PTPRT: variants seen among roughly 807,000 people sequenced by gnomAD.
PTPRT encodes the protein receptor-type tyrosine-protein phosphatase T.
In PTPRT, 56 loss-of-function variants were observed where a neutral mutation model predicts 176.8. That is an observed-to-expected ratio of 0.32 (90% CI 0.26 to 0.40). The LOEUF is 0.40. Ranked by LOEUF, PTPRT falls within the 10% of genes least tolerant of loss-of-function variation. The pLI is 1.00. For missense variants in PTPRT, 1,540 were observed against 1,908.2 expected (o/e 0.81, Z 3.60); for synonymous variants, 783 against 739.0 (o/e 1.06, Z -0.96).
At chr20:42,797,156 C>T (rs1341877434) in intron 2 of PTPRT, among the ~76,000 whole-genome samples, 1 of 152,120 alleles carries the variant, frequency 6.6e-6, no homozygotes, top group East Asian at 1.9e-4. Context: ...TCTGCTGCCC[C>T]GTCTCCACCT....
chr20:42,061,366 G>C, the PTPRT span, among the ~76,000 whole-genome samples: 2 of 152,226 alleles, frequency 1.3e-5, no homozygotes, highest in East Asian at 3.9e-4. Context: ...ATGAGCCCGC[G>C]CAGTGCAGAG....
chr20:42,057,641 T>C, the PTPRT span, among the ~76,000 whole-genome samples: 1 of 152,190 alleles, frequency 6.6e-6, no homozygotes, highest in Non-Finnish European at 1.5e-5. Context: ...CAGGCTGGAA[T>C]GTAGTGGTGC....
intron 2 of PTPRT, among the ~76,000 whole-genome samples, chr20:42,844,724 A>G (rs530377204): frequency 6.6e-6 from 1 of 152,188 alleles, no homozygotes. Context: ...GTCCTTGGGT[A>G]CCTTCAACAT....
intron 9 of PTPRT, among the ~76,000 whole-genome samples, chr20:42,412,884 G>A (rs1241214993): frequency 4.6e-5 from 7 of 152,070 alleles, no homozygotes; most frequent in African/African-American, 1.2e-4. Context: ...TTTCAGGGCC[G>A]AGCACAGGGA....
At chr20:42,466,204 C>T (rs2071099901) in intron 8 of PTPRT, among the ~76,000 whole-genome samples, 1 of 152,144 alleles carries the variant, frequency 6.6e-6, no homozygotes, top group East Asian at 1.9e-4. Context: ...GTGAACAGTG[C>T]TGCAATGAAC....
In PTPRT at chr20:42,452,450, T is replaced by C. The variant is rs564800706; in HGVS notation, c.1451-4121A>G. 9.2e-5 allele frequency among the ~76,000 whole-genome samples: 14 copies of C among 152,172 alleles called. No individual in the cohort carries two copies. In the East Asian group the frequency reaches 2.7e-3, roughly 29 times the overall value. On this transcript the variant is annotated intron_variant, in intron 8 of 30. Transcript: ENST00000373187. ...TGCTTTGTACGGAGGAATTGAAGTG[T>C]CCTAATGGCTCTGTTTTCTTGAGAA...
chr20:42,336,750 T>G (rs1002719531), intron 11 of PTPRT, among the ~76,000 whole-genome samples: 1 of 152,146 alleles, frequency 6.6e-6, no homozygotes, highest in Non-Finnish European at 1.5e-5. Context: ...CATATGGAAA[T>G]AGCTAAGAAT....
intron 1 of PTPRT, among the ~76,000 whole-genome samples, chr20:42,927,478 C>T (rs1017234610): frequency 6.6e-6 from 1 of 152,198 alleles, no homozygotes; most frequent in Non-Finnish European, 1.5e-5. Context: ...AAGAGAATCG[C>T]TTCTACCTGG....
chr20:42,476,457 G>A (rs565444675), intron 7 of PTPRT, among the ~76,000 whole-genome samples: 1 of 152,188 alleles, frequency 6.6e-6, no homozygotes, highest in Non-Finnish European at 1.5e-5. Context: ...TCTAGAAAGG[G>A]TTGAGGTCGG....
chr20:42,899,201 C>A (rs946850824), intron 1 of PTPRT, among the ~76,000 whole-genome samples: 14 of 152,354 alleles, frequency 9.2e-5, no homozygotes, highest in Admixed American at 2.0e-4. Context: ...ACAGTGCTAT[C>A]TTTTCCATTT....
In PTPRT at chr20:42,972,527, T is replaced by C. The variant is rs888633576; in HGVS notation, c.89-86595A>G. Among the ~76,000 whole-genome samples the C allele has an allele frequency of 8.6e-5, 13 of 151,726 alleles. 1 individual carries two copies. Among genetic ancestry groups the C allele is most frequent in the Admixed American group, 7.9e-4 (12 of 15,256 alleles). On this transcript the variant is annotated intron_variant, in intron 1 of 30. Transcript: ENST00000373187. The stretch of plus-strand genomic sequence containing the variant: ...AAATACAAAAATTAGCTGCTTGTGA[T>C]GGTGCACACCTGTAGATCCCAGCTA...
intron 6 of PTPRT, among the ~76,000 whole-genome samples, chr20:42,720,528 G>GA (rs763199607): frequency 6.6e-6 from 1 of 152,152 alleles, no homozygotes; most frequent in Non-Finnish European, 1.5e-5. Flanking sequence ...TCAAAGGCAA[G>GA]AAAAAACTGA....
chr20:42,667,063 C>A (rs1180019618), intron 7 of PTPRT, among the ~76,000 whole-genome samples: 1 of 152,182 alleles, frequency 6.6e-6, no homozygotes, highest in Non-Finnish European at 1.5e-5. Context: ...TCTTGAGAGG[C>A]TCAGATGATT....
At chr20:42,896,635 CAAAAAA>C (rs58679220) in intron 1 of PTPRT, among the ~76,000 whole-genome samples, 1 of 72,342 alleles carries the variant, frequency 1.4e-5, no homozygotes. Context: ...AACTCCGTCT[CAAAAAA>C]AAAAAAAAAA....
chr20:43,050,834 C>T (rs143170322), intron 1 of PTPRT, among the ~76,000 whole-genome samples: 7 of 152,332 alleles, frequency 4.6e-5, no homozygotes, highest in Non-Finnish European at 7.4e-5. Context: ...TCCATTCCCA[C>T]TGGAAGGAGC....
chr20:42,904,535 G>C (rs73910609), intron 1 of PTPRT, among the ~76,000 whole-genome samples: 6,424 of 152,202 alleles, frequency 0.042, 340 homozygotes, highest in African/African-American at 0.12. Flanking sequence ...CAGTGGAAGA[G>C]GTGAAAACCT....
rs184233224 is a variant in PTPRT, at chr20:42,714,457, C to T, written c.860-36298G>A. On this transcript the variant is annotated intron_variant, in intron 6 of 30. Transcript: ENST00000373187. ...CAGAAATACAACTATAAACAGGATA[C>T]AATTCTGCCTGGACAGAGATCATAG... Among the ~76,000 whole-genome samples, 6 of 152,252 alleles carry T rather than the reference C, an allele frequency of 3.9e-5. No individual in the cohort carries two copies. In the East Asian group the frequency reaches 1.2e-3, roughly 29 times the overall value.
At chr20:42,705,743 T>C (rs1464860951) in intron 6 of PTPRT, among the ~76,000 whole-genome samples, 1 of 152,152 alleles carries the variant, frequency 6.6e-6, no homozygotes, top group Non-Finnish European at 1.5e-5. Context: ...TTGGCTTCTA[T>C]TGTGGCTTCT....
chr20:43,144,632 A>G (rs1440889669), intron 1 of PTPRT, among the ~76,000 whole-genome samples: 1 of 152,186 alleles, frequency 6.6e-6, no homozygotes, highest in Non-Finnish European at 1.5e-5. Context: ...CCATAGCGAC[A>G]GAAAGGAGGT....
Sources: allele counts gnomAD v4.1 joint callset (sites outside exome capture counted in the v4.1 genomes callset), GRCh38; gene constraint gnomAD v4.1.1; transcripts MANE v1.5; gene names NCBI Gene and HGNC (gene_info 2026-07-23, HGNC 2026-07-21).